ZMYND8: variants seen among roughly 807,000 people sequenced by gnomAD.
The protein encoded by ZMYND8 is zinc finger MYND-type containing 8, also known as MYND-type zinc finger-containing chromatin reader ZMYND8.
ZMYND8 carries 37 observed loss-of-function variants against 140.8 expected under a neutral mutation model. The ratio of observed to expected loss-of-function variants is 0.26; its 90% CI spans 0.20 to 0.35. The LOEUF (loss-of-function observed/expected upper bound fraction) is 0.35, where lower values mean the gene tolerates loss of function less well. Among genes scored for constraint, ZMYND8 ranks in the 10% least tolerant of loss-of-function variants. The probability of loss-of-function intolerance (pLI) is 1.00; values close to 1 mark genes in which losing one functional copy is unlikely to be tolerated. For missense variants in ZMYND8, 1,068 were observed against 1,570.0 expected, an observed-to-expected ratio of 0.68 and a Z score of 5.40; for synonymous variants, 592 against 597.1, an observed-to-expected ratio of 0.99 and a Z score of 0.12.
Position 47,234,580 on chromosome 20 carries a change from T to C in ZMYND8, c.2856+1746A>G, listed in dbSNP as rs192898185. ...TGAAGCGGAGAGCCCCGTGGAGCCA[T>C]GCCCAGATTCCTGACCCACACACAC... On this transcript the variant is annotated intron_variant, in intron 16 of 22. Coordinates refer to ENST00000471951, the MANE Select transcript of ZMYND8 (RefSeq NM_001281775.3). Among the ~76,000 whole-genome samples the C allele has an allele frequency of 6.6e-4, 100 of 152,344 alleles. 1 individual carries two copies. Among genetic ancestry groups the C allele is most frequent in the African/African-American group, 2.4e-3 (98 of 41,592 alleles).
In ZMYND8 at chr20:47,236,489, C is replaced by A. The variant is rs543976456; in HGVS notation, c.2693G>T (p.Ser898Ile). Residue 898 changes from serine (S) to isoleucine (I), a missense_variant, in exon 16 of 23, where the codon AGC (serine) becomes ATC (isoleucine). By Grantham distance (142) the Ser-to-Ile change is moderately radical. Transcript: ENST00000471951. ...CAGGGTGATGGTGGACGTGGATGGG[C>A]TCTGTGTGATCTCCTTCTGCTGGAC... ...KAVQQKEITQ[S>I]PSTSTITLVT... 1.3e-6 allele frequency: 2 copies of A among 1,596,436 alleles called. No homozygotes were observed. Among genetic ancestry groups the A allele is most frequent in the East Asian group, 2.2e-5 (1 of 44,626 alleles).
intron 2 of ZMYND8, among the ~76,000 whole-genome samples, chr20:47,345,155 T>C (rs1426751597): frequency 6.6e-6 from 1 of 152,132 alleles, no homozygotes; most frequent in Non-Finnish European, 1.5e-5. Flanking sequence ...GTCTTTTATA[T>C]ATATATTTAA....
chr20:47,290,389 C>A, intron 6 of ZMYND8, 115 bp from the exon 7 acceptor site: 1 of 790,910 alleles, frequency 1.3e-6, no homozygotes, highest in Admixed American at 2.9e-5. Context: ...AATTAGTGTT[C>A]TTCTATTCAT....
At chr20:47,284,754 A>G (rs1390895002) in intron 8 of ZMYND8, among the ~76,000 whole-genome samples, 1 of 152,212 alleles carries the variant, frequency 6.6e-6, no homozygotes, top group East Asian at 1.9e-4. Context: ...AAGAAAGTAC[A>G]TTCCCCTAGA....
chr20:47,290,502 A>G (rs1296888214), intron 6 of ZMYND8, among the ~76,000 whole-genome samples: 1 of 152,100 alleles, frequency 6.6e-6, no homozygotes, highest in Non-Finnish European at 1.5e-5. Flanking sequence ...ATTTAACACA[A>G]TAACTGGAAT....
At chr20:47,349,139 G>A (rs544141753) in intron 1 of ZMYND8, 1 of 152,344 alleles carries the variant, frequency 6.6e-6, no homozygotes, top group South Asian at 2.1e-4. Flanking sequence ...CTAGTATAAG[G>A]AGAAGATTTT....
At chr20:47,300,665 G>A (rs1170549073) in intron 3 of ZMYND8, among the ~76,000 whole-genome samples, 1 of 152,164 alleles carries the variant, frequency 6.6e-6, no homozygotes, top group Non-Finnish European at 1.5e-5. Flanking sequence ...TAATGTGCAA[G>A]AGTTGCCAAG....
chr20:47,297,067 G>A lies in ZMYND8; in HGVS notation c.453+1662C>T, dbSNP rs185241427. Among the ~76,000 whole-genome samples the A allele has an allele frequency of 2.0e-5, 3 of 152,264 alleles. No individual in the cohort carries two copies. In the East Asian group the frequency reaches 5.8e-4, roughly 29 times the overall value. On this transcript the variant is annotated intron_variant, in intron 4 of 22. Transcript: ENST00000471951. ...AAGTTGGCCAAGACTAAAGAAAATT[G>A]GTGAAGGTTCCAGATCCCATGACAA...
intron 2 of ZMYND8, among the ~76,000 whole-genome samples, chr20:47,339,535 G>A (rs917253925): frequency 1.3e-5 from 2 of 151,978 alleles, no homozygotes; most frequent in African/African-American, 4.8e-5. Flanking sequence ...GGAGTGCAGT[G>A]GCGCAATCTC....
chr20:47,251,377 G>A (rs2074156861), intron 12 of ZMYND8, among the ~76,000 whole-genome samples: 1 of 152,098 alleles, frequency 6.6e-6, no homozygotes, highest in Non-Finnish European at 1.5e-5. Context: ...CTTGAGGCCA[G>A]GAGTTCGAGA....
intron 21 of ZMYND8, among the ~76,000 whole-genome samples, chr20:47,213,875 GAGGTAACAGA>G (rs2035660925): frequency 6.6e-6 from 1 of 152,196 alleles, no homozygotes; most frequent in African/African-American, 2.4e-5. Context: ...TATTAGTAAG[GAGGTAACAGA>G]AGGACCAGAA....
chr20:47,336,057 T>C (rs2081364374), intron 2 of ZMYND8, among the ~76,000 whole-genome samples: 1 of 152,248 alleles, frequency 6.6e-6, no homozygotes, highest in Non-Finnish European at 1.5e-5. Context: ...CACTTCTGCA[T>C]CGCGCTGTGA....
chr20:47,312,688 G>A (rs1403998944), intron 2 of ZMYND8, among the ~76,000 whole-genome samples: 2 of 151,964 alleles, frequency 1.3e-5, no homozygotes, highest in Non-Finnish European at 2.9e-5. Flanking sequence ...TACTTGGGAG[G>A]CTGGGGCAGG....
chr20:47,279,039 C>G (rs2076431133), intron 10 of ZMYND8, among the ~76,000 whole-genome samples: 1 of 152,056 alleles, frequency 6.6e-6, no homozygotes, highest in African/African-American at 2.4e-5. Flanking sequence ...GGTATCATAA[C>G]CTCGCCCCCC....
At chr20:47,314,643 G>C (rs2079230680) in intron 2 of ZMYND8, among the ~76,000 whole-genome samples, 1 of 152,220 alleles carries the variant, frequency 6.6e-6, no homozygotes, top group African/African-American at 2.4e-5. Context: ...AGGAACGCTA[G>C]GGTATGTGTA....
intron 16 of ZMYND8, among the ~76,000 whole-genome samples, chr20:47,234,264 G>A (rs941343790): frequency 6.6e-6 from 1 of 152,210 alleles, no homozygotes; most frequent in Non-Finnish European, 1.5e-5. Flanking sequence ...GCCCAGGCTG[G>A]TCCTGAACTC....
rs112830480 is a variant in ZMYND8 at position 47,210,446 on chromosome 20, CTTTTT to C, written c.*310_*314del. Reference sequence around the variant, plus strand: ...TTTTTTTTAAATCGTTTTTCTTTTTCTTTTTTTTTTTTTAATAAGTTAAAGTTAAT... The same window carrying C: ...TTTTTTTTAAATCGTTTTTCTTTTTCTTTTTTTTAATAAGTTAAAGTTAAT... On this transcript the variant is annotated 3_prime_UTR_variant, in exon 23 of 23. Coordinates refer to ENST00000471951, the MANE Select transcript of ZMYND8 (RefSeq NM_001281775.3). 4 of 92,120 alleles carry C rather than the reference CTTTTT, an allele frequency of 4.3e-5. No homozygotes were observed. Among genetic ancestry groups the C allele is most frequent in the South Asian group, 3.3e-4 (1 of 2,986 alleles). The allele number at this position is 92,120 out of a possible 1,614,324, so 5.7% of individuals were successfully genotyped here. A position where few individuals can be genotyped will look rare whatever the true frequency, so the allele number is the denominator to read the frequency against.
At chr20:47,246,751 C>T (rs745807581) in intron 13 of ZMYND8, among the ~76,000 whole-genome samples, 16 of 152,030 alleles carry the variant, frequency 1.1e-4, no homozygotes, top group Non-Finnish European at 7.4e-5. Flanking sequence ...GACCTACCAA[C>T]GGAGATTTTA....
intron 3 of ZMYND8, among the ~76,000 whole-genome samples, chr20:47,305,407 A>G (rs1482062010): frequency 2.0e-5 from 3 of 151,710 alleles, no homozygotes; most frequent in Non-Finnish European, 4.4e-5. Flanking sequence ...TGCCTGGCTA[A>G]TTTTTCTATT....
Sources: gnomAD v4.1 joint callset for allele counts (sites outside exome capture counted in the v4.1 genomes callset) on GRCh38, gnomAD v4.1.1 for gene constraint, MANE v1.5 for transcripts, NCBI Gene and HGNC (gene_info 2026-07-23, HGNC 2026-07-21) for gene names.